The following PRELID2 variants were observed in gnomAD, a reference collection of about 807,000 sequenced individuals.
PRELID2 encodes the protein PRELI domain-containing protein 2.
A neutral mutation model predicts 28.4 loss-of-function variants in PRELID2; 25 were observed. The ratio of observed to expected loss-of-function variants is 0.88; its 90% CI spans 0.64 to 1.23. The LOEUF is 1.23. Ranked by LOEUF, PRELID2 falls within the 50% of genes most tolerant of loss-of-function variation. The pLI, the probability that PRELID2 is intolerant of heterozygous loss-of-function variation, is 0.00. For missense variants in PRELID2, 201 were observed against 214.4 expected, an observed-to-expected ratio of 0.94 and a Z score of 0.39; for synonymous variants, 76 against 71.6, an observed-to-expected ratio of 1.06 and a Z score of -0.31.
chr5:145,235,718 A>G, the PRELID2 span, among the ~76,000 whole-genome samples: 2 of 152,150 alleles, frequency 1.3e-5, no homozygotes, highest in African/African-American at 4.8e-5. Context: ...TGCCACACTT[A>G]TGTGTGTACA....
At chr5:145,515,991 CAAAAT>C (rs1049803812) in intron 1 of PRELID2, among the ~76,000 whole-genome samples, 2 of 152,146 alleles carry the variant, frequency 1.3e-5, no homozygotes, top group African/African-American at 4.8e-5. Flanking sequence ...GAGTGTATCT[CAAAAT>C]AATAAGAGCT....
rs549623737 is a variant in PRELID2 at position 145,487,008 on chromosome 5, G to T, written n.71-13693C>A. Among the ~76,000 whole-genome samples the T allele has an allele frequency of 1.9e-4, 27 of 144,406 alleles. 1 individual carries two copies. In the South Asian group the frequency reaches 4.4e-3, roughly 23 times the overall value. 94.7% of individuals were successfully genotyped at this position (144,406 alleles called of 152,430 possible). ...TCGCAAGAACAAAAAACCAAACACC[G>T]CATATTCTCACTCATAGGTGGGAAT... On this transcript the variant is annotated intron_variant and non_coding_transcript_variant, in intron 1 of 2. Transcript: ENST00000510259.
chr5:145,627,311 T>C (rs1753862589), intron 1 of PRELID2, among the ~76,000 whole-genome samples: 1 of 151,738 alleles, frequency 6.6e-6, no homozygotes, highest in Admixed American at 6.6e-5. Flanking sequence ...TGGTAAACAA[T>C]GGGTATACAT....
intron 5 of PRELID2, among the ~76,000 whole-genome samples, chr5:145,780,710 T>C (rs755008917): frequency 2.0e-5 from 3 of 152,144 alleles, no homozygotes; most frequent in Non-Finnish European, 4.4e-5. Flanking sequence ...CAGAGAATAA[T>C]AGAAAAACCA....
chr5:145,600,869 C>T (rs1158085147), intron 1 of PRELID2, among the ~76,000 whole-genome samples: 4 of 152,012 alleles, frequency 2.6e-5, no homozygotes, highest in Admixed American at 2.0e-4. Context: ...AAAATAAGCC[C>T]AGGCTGGTGT....
At chr5:145,733,620 A>C (rs187083369) in intron 1 of PRELID2, among the ~76,000 whole-genome samples, 1 of 152,366 alleles carries the variant, frequency 6.6e-6, no homozygotes, top group Admixed American at 6.5e-5. Context: ...CTAGATTTTC[A>C]CAAGTGTCCT....
chr5:145,591,006 A>T (rs903725085), intron 1 of PRELID2, among the ~76,000 whole-genome samples: 8 of 152,314 alleles, frequency 5.3e-5, no homozygotes, highest in Admixed American at 4.6e-4. Context: ...TAAGAATTTA[A>T]GTTCCTTGGC....
chr5:145,422,460 T>C, the PRELID2 span, among the ~76,000 whole-genome samples: 114 of 152,364 alleles, frequency 7.5e-4, 1 homozygote, highest in African/African-American at 2.6e-3. Context: ...GCTCTTCTTG[T>C]TGAATTGATC....
chr5:145,590,806 C>T (rs1401759796), intron 1 of PRELID2, among the ~76,000 whole-genome samples: 1 of 151,964 alleles, frequency 6.6e-6, no homozygotes, highest in African/African-American at 2.4e-5. Flanking sequence ...AAACTCTGGC[C>T]CCCAGAGTTT....
chr5:145,724,120 T>C (rs140929016), intron 1 of PRELID2, among the ~76,000 whole-genome samples: 10 of 152,298 alleles, frequency 6.6e-5, no homozygotes, highest in Middle Eastern at 3.4e-3. Context: ...AACATGTCTA[T>C]GTAAAAGTAG....
chr5:145,477,162 A>G (rs1194718053), intron 1 of PRELID2, among the ~76,000 whole-genome samples: 1 of 152,194 alleles, frequency 6.6e-6, no homozygotes, highest in African/African-American at 2.4e-5. Context: ...CGAATAAGAG[A>G]GAGAGAGGAT....
chr5:145,304,076 T>G, the PRELID2 span, among the ~76,000 whole-genome samples: 2 of 152,212 alleles, frequency 1.3e-5, no homozygotes, highest in Admixed American at 1.3e-4. Flanking sequence ...TTATTTACTT[T>G]TTATGATTAA....
chr5:145,351,746 G>A, the PRELID2 span, among the ~76,000 whole-genome samples: 1 of 152,170 alleles, frequency 6.6e-6, no homozygotes, highest in South Asian at 2.1e-4. Context: ...CTATGAGCCT[G>A]TAAAATTGAA....
intron 1 of PRELID2, among the ~76,000 whole-genome samples, chr5:145,485,466 T>G (rs1223289339): frequency 6.6e-6 from 1 of 152,200 alleles, no homozygotes; most frequent in Non-Finnish European, 1.5e-5. Flanking sequence ...TAGAGCACAT[T>G]CAGAATGAGT....
At position 145,669,475 on chromosome 5, in the gene PRELID2, A is replaced by G. The variant is rs1754662581; in HGVS notation, n.70+95456T>C. Among the ~76,000 whole-genome samples, 3 of 152,126 alleles carry G rather than the reference A, an allele frequency of 2.0e-5. No homozygotes were observed. The South Asian group carries it at 6.2e-4, about 31-fold the overall frequency. ...TGTTAACTGGTCATCTTGGGAGGCA[A>G]TCAGTGCTTCTAGACATAGATCCGA... On this transcript the variant is annotated intron_variant and non_coding_transcript_variant, in intron 1 of 2. Transcript: ENST00000510259.
intron 5 of PRELID2, among the ~76,000 whole-genome samples, chr5:145,767,069 A>G (rs556037221): frequency 1.3e-5 from 2 of 152,234 alleles, no homozygotes; most frequent in African/African-American, 4.8e-5. Flanking sequence ...CAAAGTCAGA[A>G]TATACATTCC....
chr5:145,546,560 T>A (rs1156547790), intron 1 of PRELID2, among the ~76,000 whole-genome samples: 5 of 152,026 alleles, frequency 3.3e-5, no homozygotes, highest in African/African-American at 1.2e-4. Flanking sequence ...AGTAGAACAT[T>A]CATTGTATGA....
At chr5:145,390,002 G>A in the PRELID2 span, among the ~76,000 whole-genome samples, 1 of 152,142 alleles carries the variant, frequency 6.6e-6, no homozygotes, top group Non-Finnish European at 1.5e-5. Context: ...TAAATGCCAG[G>A]CTATAACCAT....
At chr5:145,354,448 G>T in the PRELID2 span, among the ~76,000 whole-genome samples, 1 of 152,098 alleles carries the variant, frequency 6.6e-6, no homozygotes, top group African/African-American at 2.4e-5. Context: ...GAGGATTCCT[G>T]GTTGAAAACA....
Sources: allele counts gnomAD v4.1 joint callset (sites outside exome capture counted in the v4.1 genomes callset), GRCh38; gene constraint gnomAD v4.1.1; transcripts MANE v1.5; gene names NCBI Gene and HGNC (gene_info 2026-07-23, HGNC 2026-07-21).